The following TGM3 variants were observed in gnomAD, a reference collection of about 807,000 sequenced individuals.
The protein encoded by TGM3 is protein-glutamine gamma-glutamyltransferase E.
A neutral mutation model predicts 73.8 loss-of-function variants in TGM3; 52 were observed. The ratio of observed to expected loss-of-function variants is 0.70; its 90% confidence interval spans 0.56 to 0.89. TGM3 has a LOEUF of 0.89. TGM3 is among the 40% of genes least tolerant of loss of function. The pLI, the probability that TGM3 is intolerant of heterozygous loss-of-function variation, is 0.00. For missense variants in TGM3, 928 were observed against 909.9 expected, an observed-to-expected ratio of 1.02 and a Z score of -0.26; for synonymous variants, 372 against 354.9, an observed-to-expected ratio of 1.05 and a Z score of -0.54.
intron 3 of TGM3, 118 bp from the exon 4 acceptor site, chr20:2,310,893 C>G: frequency 1.2e-6 from 1 of 835,686 alleles, no homozygotes; most frequent in South Asian, 1.5e-5. Context: ...CAGGGGAGGG[C>G]TAAAGGTGGG....
intron 8 of TGM3, 125 bp downstream of exon 8, chr20:2,326,077 A>C (rs1357537174): frequency 2.1e-6 from 2 of 961,624 alleles, no homozygotes; most frequent in Non-Finnish European, 3.2e-6. Flanking sequence ...TAAAACAAAA[A>C]TAGTTTAAAA....
At chr20:2,298,564 G>T (rs1306957123) in intron 1 of TGM3, among the ~76,000 whole-genome samples, 1 of 152,144 alleles carries the variant, frequency 6.6e-6, no homozygotes, top group Non-Finnish European at 1.5e-5. Flanking sequence ...ACTGGCCTTG[G>T]CTTCAGGGAC....
In TGM3 at chr20:2,325,935, C is replaced by A; in HGVS notation, c.1070C>A (p.Pro357Gln). ...YGGWQVLDAT[P>Q]QERSQGVFQC... The stretch of plus-strand genomic sequence containing the variant: ...GGATGGCAGGTGTTGGATGCTACCC[C>A]GCAGGAAAGAAGCCAAGGTAACTTC... Residue 357 changes from proline (P) to glutamine (Q), a missense_variant, in exon 8 of 13, where the codon CCG becomes CAG. Pro to Gln is a moderately conservative substitution (Grantham distance 76). Transcript: ENST00000381458. 6.3e-7 allele frequency: 1 copy of A among 1,594,060 alleles called. No homozygotes were observed. The highest frequency in any genetic ancestry group is 2.3e-5 in the East Asian group (1 of 44,094).
At chr20:2,326,514 T>C (rs967158718) in intron 8 of TGM3, among the ~76,000 whole-genome samples, 2 of 152,210 alleles carry the variant, frequency 1.3e-5, no homozygotes, top group African/African-American at 2.4e-5. Flanking sequence ...GCATGACTTG[T>C]CTGTTACCCT....
chr20:2,326,032 C>G, intron 8 of TGM3, 80 bp downstream of exon 8: 6 of 1,320,490 alleles, frequency 4.5e-6, no homozygotes, highest in Middle Eastern at 1.8e-4. Flanking sequence ...GGAAGTAACT[C>G]CAAAGCCCTC....
chr20:2,340,516 G>C lies in TGM3; in HGVS notation c.2017G>C (p.Ala673Pro). ...PSRSGTKQLL[A>P]DFSCNKFPAI... ...CCGGAGTGGCACCAAGCAACTGCTC[G>C]CCGACTTCTCCTGCAACAAGTTCCC... Residue 673 changes from alanine to proline, a missense_variant, in exon 13 of 13, where the codon GCC (alanine) becomes CCC (proline). Transcript: ENST00000381458. 1 of 1,614,146 alleles carries C rather than the reference G, an allele frequency of 6.2e-7. No homozygotes were observed. The highest frequency in any genetic ancestry group is 2.2e-5 in the East Asian group (1 of 44,864).
intron 7 of TGM3, among the ~76,000 whole-genome samples, chr20:2,318,798 T>C (rs1218864573): frequency 2.6e-5 from 4 of 152,232 alleles, no homozygotes; most frequent in Non-Finnish European, 5.9e-5. Context: ...ATCTAACTTA[T>C]CTGAAATGTG....
chr20:2,302,509 G>A (rs908781954), intron 1 of TGM3, among the ~76,000 whole-genome samples: 1 of 152,028 alleles, frequency 6.6e-6, no homozygotes, highest in Non-Finnish European at 1.5e-5. Flanking sequence ...GCAGTTCTGG[G>A]CAGGCCAGGT....
chr20:2,314,630 G>A (rs214810), intron 5 of TGM3, among the ~76,000 whole-genome samples: 101,011 of 151,496 alleles, frequency 0.67, 37,710 homozygotes, highest in East Asian at 0.96. Flanking sequence ...CTGAGCTGGG[G>A]GAATTGCATG....
At position 2,325,837 on chromosome 20, in the gene TGM3, T is replaced by C. The variant is rs2084284254; in HGVS notation, c.984-12T>C. ...CTTGGGCAAGCGCTGCAGTCTCTGG[T>C]TCTATCTGCAGGAATTTCCATGTCT... On this transcript the variant is annotated splice_polypyrimidine_tract_variant and intron_variant, in intron 7 of 12. Transcript: ENST00000381458. The C allele has an allele frequency of 1.3e-6, 2 of 1,542,724 alleles. No homozygotes were observed. Among genetic ancestry groups the C allele is most frequent in the African/African-American group, 2.7e-5 (2 of 72,976 alleles).
At chr20:2,315,635 A>G (rs1280868187) in intron 5 of TGM3, among the ~76,000 whole-genome samples, 1 of 152,232 alleles carries the variant, frequency 6.6e-6, no homozygotes, top group Non-Finnish European at 1.5e-5. Context: ...GCCTTCAGAG[A>G]TCCTGGTCCA....
In TGM3 at chr20:2,328,638, A is replaced by G. The variant is rs879628109; in HGVS notation, c.1333+273A>G. 2.0e-5 allele frequency among the ~76,000 whole-genome samples: 3 copies of G among 152,156 alleles called. No individual in the cohort carries two copies. Among genetic ancestry groups the G allele is most frequent in the Non-Finnish European group, 2.9e-5 (2 of 68,024 alleles). Reference sequence around the variant, plus strand: ...CATCTCCAGCTGTGTCCCTGTCTCAACTACACAGCTAGGGTGACAGCACCG... The same window carrying G: ...CATCTCCAGCTGTGTCCCTGTCTCAGCTACACAGCTAGGGTGACAGCACCG... On this transcript the variant is annotated intron_variant, in intron 9 of 12. Coordinates refer to ENST00000381458, the MANE Select transcript of TGM3 (RefSeq NM_003245.4). This position sits in a 1 kb window ranked among gnomAD's most constrained non-coding sequence, Gnocchi z 5.2.
At chr20:2,338,010 T>C (rs1243273060) in intron 11 of TGM3, among the ~76,000 whole-genome samples, 1 of 152,220 alleles carries the variant, frequency 6.6e-6, no homozygotes, top group Non-Finnish European at 1.5e-5. Flanking sequence ...ACCTAAGCCT[T>C]CACCTAATCG....
rs186752100 is a variant in TGM3, at chr20:2,312,805, T to C, written c.541-93T>C. On this transcript the variant is annotated intron_variant, in intron 4 of 12. Coordinates refer to ENST00000381458, the MANE Select transcript of TGM3 (RefSeq NM_003245.4). ...GAGGCCACAGAGTCAAAGGATCTGA[T>C]AGTTCCTGTGGTTCTTGCCAGTGCA... The C allele has an allele frequency of 1.2e-4, 184 of 1,522,394 alleles. 3 individuals carry two copies. In the East Asian group the frequency reaches 3.6e-3, roughly 30 times the overall value. The allele number at this position is 1,522,394 out of a possible 1,614,324, so 94.3% of individuals were successfully genotyped here. A position where few individuals can be genotyped will look rare whatever the true frequency, so the allele number is the denominator to read the frequency against.
At chr20:2,326,097 C>A (rs979211624) in intron 8 of TGM3, 145 bp downstream of exon 8, 2 of 822,428 alleles carry the variant, frequency 2.4e-6, no homozygotes, top group African/African-American at 3.4e-5. Flanking sequence ...AATAGATCTC[C>A]CCTGCTAATT....
chr20:2,320,806 G>A (rs890447429), intron 7 of TGM3, among the ~76,000 whole-genome samples: 9 of 152,280 alleles, frequency 5.9e-5, no homozygotes, highest in South Asian at 2.1e-4. Flanking sequence ...AGCAGCAGCC[G>A]AATGATTTGG....
intron 10 of TGM3, among the ~76,000 whole-genome samples, chr20:2,333,594 C>G (rs990896236): frequency 2.0e-5 from 3 of 152,082 alleles, no homozygotes; most frequent in African/African-American, 7.2e-5. Flanking sequence ...TAGGGTCTCA[C>G]TATGTTGCCC....
intron 4 of TGM3, among the ~76,000 whole-genome samples, chr20:2,311,665 C>A (rs2122220721): frequency 6.6e-6 from 1 of 152,270 alleles, no homozygotes; most frequent in African/African-American, 2.4e-5. Context: ...CAGACAAAGG[C>A]ATTAGAATAA....
chr20:2,315,532 A>T (rs1039113271), intron 5 of TGM3, among the ~76,000 whole-genome samples: 1 of 152,214 alleles, frequency 6.6e-6, no homozygotes, highest in African/African-American at 2.4e-5. Context: ...TGTCCTGGGC[A>T]AGGATCCCTC....
Sources: gnomAD v4.1 joint callset for allele counts (sites outside exome capture counted in the v4.1 genomes callset) on GRCh38, gnomAD v4.1.1 for gene constraint, Gnocchi (gnomAD v3.1) non-coding constraint, MANE v1.5 for transcripts, NCBI Gene and HGNC (gene_info 2026-07-23, HGNC 2026-07-21) for gene names.